PIP5KL1: variants seen among roughly 807,000 people sequenced by gnomAD.
The protein encoded by PIP5KL1 is phosphatidylinositol 4-phosphate 5-kinase-like protein 1.
PIP5KL1 carries 45 observed loss-of-function variants against 47.6 expected under a neutral mutation model. The observed-to-expected ratio is 0.94, with a 90% CI of 0.74 to 1.21. The LOEUF (loss-of-function observed/expected upper bound fraction) is 1.21, where lower values mean the gene tolerates loss of function less well. Ranked by LOEUF, PIP5KL1 falls within the 50% of genes most tolerant of loss-of-function variation. PIP5KL1 has a pLI of 0.00. For synonymous variants in PIP5KL1, 256 were observed against 234.6 expected (o/e 1.09, Z -0.84); for missense variants, 577 against 547.6 (o/e 1.05, Z -0.54).
Position 127,921,170 on chromosome 9 carries a change from G to A in PIP5KL1, c.*677C>T, listed in dbSNP as rs1831275606. ...GACCTTGGTCGGACCACGGACCCTTGCCCCCATTTAACTGATGAGAAAAGT... is the reference window on the plus strand; with the variant it reads ...GACCTTGGTCGGACCACGGACCCTTACCCCCATTTAACTGATGAGAAAAGT... On this transcript the variant is annotated 3_prime_UTR_variant, in exon 10 of 10. Transcript: ENST00000388747. 1 of 152,316 alleles carries A rather than the reference G, an allele frequency of 6.6e-6. No individual in the cohort carries two copies. The highest frequency in any genetic ancestry group is 1.5e-5 in the Non-Finnish European group (1 of 68,130). The allele number at this position is 152,316 out of a possible 1,614,324, so 9.4% of individuals were successfully genotyped here.
chr9:127,927,735 G>C lies in PIP5KL1; in HGVS notation c.472C>G (p.Arg158Gly), dbSNP rs762163842. 3 of 1,555,896 alleles carry C rather than the reference G, an allele frequency of 1.9e-6. No individual in the cohort carries two copies. The African/African-American group carries it at 4.1e-5, about 21-fold the overall frequency. The change falls in exon 5 of 10, where the codon CGA (arginine) becomes GGA (glycine). Residue 158 changes from arginine (R) to glycine (G), a missense_variant. By Grantham distance (125) the Arg-to-Gly change is moderately radical (BLOSUM62 -2). Coordinates refer to ENST00000388747, the MANE Select transcript of PIP5KL1 (RefSeq NM_001135219.2). This position sits in a 1 kb window ranked among gnomAD's most constrained non-coding sequence, Gnocchi z 5.5. ...QRFFLKTQGR[R>G]EVQALLAHLP... ...TGGGCGAGCAGAGCCTGCACCTCTC[G>C]GCGCCCCTGGGTCTTCAGGAAGAAG... is the stretch of plus-strand genomic sequence containing the variant.
chr9:127,922,190 G>C, intron 9 of PIP5KL1, 76 bp from the exon 10 acceptor site: 1 of 1,429,748 alleles, frequency 7.0e-7, no homozygotes, highest in East Asian at 2.5e-5. Context: ...AGCCTGGCCA[G>C]GCTGCCCACC....
chr9:127,922,707 AAAAAGAAAAAAG>A (rs1203345656), intron 9 of PIP5KL1, among the ~76,000 whole-genome samples: 5 of 143,698 alleles, frequency 3.5e-5, no homozygotes, highest in African/African-American at 5.3e-5. Context: ...AAAAAAAAAA[AAAAAGAAAAAAG>A]AAAAAGAAAA....
Position 127,921,777 on chromosome 9 carries a change from G to C in PIP5KL1, c.*70C>G. The C allele has an allele frequency of 6.7e-7, 1 of 1,484,480 alleles. No individual in the cohort carries two copies. The highest frequency in any genetic ancestry group is 2.5e-5 in the East Asian group (1 of 40,554). The allele number at this position is 1,484,480 out of a possible 1,614,324, so 92.0% of individuals were successfully genotyped here. ...AGGAGGAAGCGCAGGCGAGATGCCCGGGCCCGGGGGAACCGGCGTTCCTGG... is the reference window on the plus strand; with the variant it reads ...AGGAGGAAGCGCAGGCGAGATGCCCCGGCCCGGGGGAACCGGCGTTCCTGG... On this transcript the variant is annotated 3_prime_UTR_variant, in exon 10 of 10. Transcript: ENST00000388747.
Position 127,928,472 on chromosome 9 carries a change from G to T in PIP5KL1, c.240C>A (p.Ser80=). 6.3e-7 allele frequency: 1 copy of T among 1,596,462 alleles called. No individual in the cohort carries two copies. Residue 80 remains serine (S), a synonymous_variant, in exon 3 of 10, where the codon TCC becomes TCA. Coordinates refer to ENST00000388747, the MANE Select transcript of PIP5KL1 (RefSeq NM_001135219.2). ...SMDHPPTGPP[S]RDDFSEVLTQ... ...TTAGGACCTCCGAGAAATCGTCCCG[G>T]GAGGGCGGCCCCTGCAGGGAGAGGT...
Position 127,925,882 on chromosome 9 carries a change from T to G in PIP5KL1, c.748A>C (p.Lys250Gln), listed in dbSNP as rs1395215244. 6.2e-7 allele frequency: 1 copy of G among 1,614,070 alleles called. No individual in the cohort carries two copies. Among genetic ancestry groups the G allele is most frequent in the Admixed American group, 1.7e-5 (1 of 60,028 alleles). Residue 250 changes from lysine (K) to glutamine (Q), a missense_variant, in exon 8 of 10, where the codon AAG becomes CAG. Transcript: ENST00000388747. Reference protein sequence around the residue: ...LVLKDLNFQGKTINLGPQRSW... With the variant: ...LVLKDLNFQGQTINLGPQRSW... ...CGTGGCTCACCCAGGTTGATGGTCTTGCCCTGAAAGTTGAGGTCCTTCAGC... is the reference window on the plus strand; with the variant it reads ...CGTGGCTCACCCAGGTTGATGGTCTGGCCCTGAAAGTTGAGGTCCTTCAGC...
At position 127,930,633 on chromosome 9, in the gene PIP5KL1, G is replaced by A. The variant is rs1185746201; in HGVS notation, c.30+90C>T. ...TGCAGGGCCCCTCCCAGGCTTGGAT[G>A]GGGGCGTGTCCGCGCCGCTCGCCGA... On this transcript the variant is annotated intron_variant, in intron 1 of 9. Coordinates refer to ENST00000388747, the MANE Select transcript of PIP5KL1 (RefSeq NM_001135219.2). 4 of 1,405,596 alleles carry A rather than the reference G, an allele frequency of 2.8e-6. No individual in the cohort carries two copies. The African/African-American group carries it at 4.5e-5, about 16-fold the overall frequency. The allele number at this position is 1,405,596 out of a possible 1,614,324, so 87.1% of individuals were successfully genotyped here. A position where few individuals can be genotyped will look rare whatever the true frequency, so the allele number is the denominator to read the frequency against.
At chr9:127,925,026 G>A (rs867428191) in intron 9 of PIP5KL1, 81 bp downstream of exon 9, 10 of 1,541,466 alleles carry the variant, frequency 6.5e-6, no homozygotes, top group Admixed American at 1.8e-5. Flanking sequence ...CACTGCTCCC[G>A]GTGCACTCCC....
chr9:127,926,298 C>G (rs571609513), intron 7 of PIP5KL1, among the ~76,000 whole-genome samples: 1 of 150,858 alleles, frequency 6.6e-6, no homozygotes, highest in African/African-American at 2.4e-5. Context: ...ACTCTGTCAC[C>G]CAGGCTGGAG....
Position 127,922,090 on chromosome 9 carries a change from C to T in PIP5KL1, c.942G>A (p.Pro314=), listed in dbSNP as rs372139764. Residue 314 remains proline (P), a synonymous_variant, in exon 10 of 10, where the codon CCG becomes CCA. Transcript: ENST00000388747. ...TARSVQGAQS[P]EESRAQNRRL... ...GGCGGTTTTGGGCTCTCGACTCTTC[C>T]GGGCTCTGTGCCCCTTGCACAGACC... is the stretch of plus-strand genomic sequence containing the variant. 39 of 1,549,844 alleles carry T rather than the reference C, an allele frequency of 2.5e-5. 1 individual carries two copies. The South Asian group carries it at 3.9e-4, about 15-fold the overall frequency.
In PIP5KL1 at chr9:127,927,445, A is replaced by AC; in HGVS notation, c.560-115dup. ...CCTTCTCAAGATCCGCGGCACCTGG[A>AC]CCCTTCCTTGGCTGGTCCGGATCCC... On this transcript the variant is annotated intron_variant, in intron 5 of 9. Transcript: ENST00000388747. This position sits in a 1 kb window ranked among gnomAD's most constrained non-coding sequence, Gnocchi z 5.5. 6.7e-7 allele frequency: 1 copy of AC among 1,499,118 alleles called. No homozygotes were observed. The highest frequency in any genetic ancestry group is 8.9e-7 in the Non-Finnish European group (1 of 1,125,804). The allele number at this position is 1,499,118 out of a possible 1,614,324, so 92.9% of individuals were successfully genotyped here.
chr9:127,929,599 C>A lies in PIP5KL1; in HGVS notation c.228+89G>T. The A allele has an allele frequency of 1.5e-6, 2 of 1,296,254 alleles. No homozygotes were observed. Among genetic ancestry groups the A allele is most frequent in the Non-Finnish European group, 2.1e-6 (2 of 951,818 alleles). The allele number at this position is 1,296,254 out of a possible 1,614,324, so 80.3% of individuals were successfully genotyped here. A position where few individuals can be genotyped will look rare whatever the true frequency, so the allele number is the denominator to read the frequency against. On this transcript the variant is annotated intron_variant, in intron 2 of 9. Transcript: ENST00000388747. This position sits in a 1 kb window ranked among gnomAD's most constrained non-coding sequence, Gnocchi z 4.0. ...CCTCCCCTTGATATCCCTCTCTGAT[C>A]CCCACACCTGCAGTTTCAGCCAGAC...
In PIP5KL1 at chr9:127,921,897, C is replaced by T. The variant is rs774478562; in HGVS notation, c.1135G>A (p.Ala379Thr). 1 of 1,574,906 alleles carries T rather than the reference C, an allele frequency of 6.3e-7. No individual in the cohort carries two copies. The highest frequency in any genetic ancestry group is 1.2e-5 in the South Asian group (1 of 86,602). ...TGGCAGAGGCGACGGGCGTAGCGAGCCGGGCTGACAGTGGAGAAGGTCCGG... is the reference window on the plus strand; with the variant it reads ...TGGCAGAGGCGACGGGCGTAGCGAGTCGGGCTGACAGTGGAGAAGGTCCGG... ...PGRTFSTVSP[A>T]RYARRLCQWV... is the part of the protein sequence containing the mutation. The change falls in exon 10 of 10, where the codon GCT becomes ACT. Residue 379 changes from alanine (A) to threonine (T), a missense_variant. Ala to Thr is a moderately conservative substitution (Grantham distance 58, BLOSUM62 0). Coordinates refer to ENST00000388747, the MANE Select transcript of PIP5KL1 (RefSeq NM_001135219.2).
chr9:127,930,261 GTTACT>G, intron 1 of PIP5KL1, among the ~76,000 whole-genome samples: 1 of 152,200 alleles, frequency 6.6e-6, no homozygotes, highest in East Asian at 1.9e-4. Flanking sequence ...ATGAACTCTT[GTTACT>G]TTTGAGTTTG....
At chr9:127,928,586 A>C in intron 2 of PIP5KL1, 103 bp from the exon 3 acceptor site, 2 of 1,225,440 alleles carry the variant, frequency 1.6e-6, no homozygotes, top group Non-Finnish European at 2.2e-6. Flanking sequence ...ACCTCCTCCA[A>C]TTGGATTCCT....
chr9:127,925,003 A>G (rs1831339310), intron 9 of PIP5KL1, 104 bp downstream of exon 9: 6 of 1,456,658 alleles, frequency 4.1e-6, no homozygotes, highest in East Asian at 4.6e-5. Context: ...TCCAGCCTTC[A>G]TGTCTTTGGC....
At position 127,927,697 on chromosome 9, in the gene PIP5KL1, G is replaced by C. The variant is rs1831383764; in HGVS notation, c.510C>G (p.Tyr170Ter). 1.3e-6 allele frequency: 2 copies of C among 1,547,380 alleles called. No homozygotes were observed. The highest frequency in any genetic ancestry group is 1.4e-5 in the African/African-American group (1 of 72,966). ...VQALLAHLPR[Y>*]VQHLQRHPHS... ...GCGGGTGCCGCTGCAGGTGCTGCACGTAGCGGGGCAGGTGGGCGAGCAGAG... is the reference window on the plus strand; with the variant it reads ...GCGGGTGCCGCTGCAGGTGCTGCACCTAGCGGGGCAGGTGGGCGAGCAGAG... Residue 170 changes from tyrosine (Y) to a stop codon, truncating the protein, a stop_gained, in exon 5 of 10, where the codon TAC (tyrosine) becomes TAG (stop). Coordinates refer to ENST00000388747, the MANE Select transcript of PIP5KL1 (RefSeq NM_001135219.2). LOFTEE classifies it high-confidence loss of function. The surrounding 1 kb of genome is among the most constrained non-coding windows in gnomAD (Gnocchi z 5.5).
chr9:127,922,706 A>AAAAAAAAAAAAAAAAG (rs1564136462), intron 9 of PIP5KL1, among the ~76,000 whole-genome samples: 1 of 146,176 alleles, frequency 6.8e-6, no homozygotes, highest in East Asian at 2.0e-4. Flanking sequence ...AAAAAAAAAA[A>AAAAAAAAAAAAAAAAG]AAAAAGAAAA....
In PIP5KL1 at chr9:127,929,796, G is replaced by A; in HGVS notation, c.120C>T (p.Arg40=). ...CCGGGCTGATCTCAAACAGGCCCAG[G>A]CGAGACTGCTTGTCTCGGAGGCGCC... is the stretch of plus-strand genomic sequence containing the variant. ...LLWRLRDKQS[R]LGLFEISPGH... is the part of the protein sequence containing the mutation. The change falls in exon 2 of 10, where the codon CGC becomes CGT. Residue 40 remains arginine (R), a synonymous_variant. Transcript: ENST00000388747. The surrounding 1 kb of genome is among the most constrained non-coding windows in gnomAD (Gnocchi z 4.0). 1 of 1,556,290 alleles carries A rather than the reference G, an allele frequency of 6.4e-7. No individual in the cohort carries two copies. Among genetic ancestry groups the A allele is most frequent in the Non-Finnish European group, 8.7e-7 (1 of 1,150,376 alleles).
Sources: gnomAD v4.1 joint callset for allele counts (sites outside exome capture counted in the v4.1 genomes callset) on GRCh38, gnomAD v4.1.1 for gene constraint, Gnocchi (gnomAD v3.1) non-coding constraint, MANE v1.5 for transcripts, NCBI Gene and HGNC (gene_info 2026-07-23, HGNC 2026-07-21) for gene names.